ZFAND2A: variants seen among roughly 807,000 people sequenced by gnomAD.
ZFAND2A encodes the protein zinc finger AN1-type containing 2A.
A neutral mutation model predicts 11.6 loss-of-function variants in ZFAND2A; 20 were observed. That is an observed-to-expected ratio of 1.72 (90% CI 1.21 to 2.50). The LOEUF is 2.50. Among genes scored for constraint, ZFAND2A ranks in the 30% most tolerant of loss-of-function variants. The probability of loss-of-function intolerance (pLI) is 0.00; values close to 1 mark genes in which losing one functional copy is unlikely to be tolerated. For missense variants in ZFAND2A, 234 were observed against 182.9 expected, an observed-to-expected ratio of 1.28 and a Z score of -1.61; for synonymous variants, 93 against 60.6, an observed-to-expected ratio of 1.54 and a Z score of -2.48.
chr7:1,158,052 C>G, intron 2 of ZFAND2A, 106 bp downstream of exon 2: 1 of 1,150,734 alleles, frequency 8.7e-7, no homozygotes, highest in Non-Finnish European at 1.3e-6. Flanking sequence ...GTTCCCAATA[C>G]TGAGGAGCCA....
downstream of ZFAND2A, among the ~76,000 whole-genome samples, chr7:1,149,161 A>G (rs1793352488): frequency 1.3e-5 from 2 of 152,160 alleles, no homozygotes; most frequent in African/African-American, 4.8e-5. Flanking sequence ...TAAAAATTAA[A>G]AACATTTTTT....
chr7:1,152,871 G>T, downstream of ZFAND2A: 1 of 827,742 alleles, frequency 1.2e-6, no homozygotes, highest in Non-Finnish European at 2.0e-6. Flanking sequence ...TTTAGTACTT[G>T]GTGACGGCAG....
At position 1,155,561 on chromosome 7, in the gene ZFAND2A, TG is replaced by T. The variant is rs1443053975; in HGVS notation, c.173del (p.Pro58HisfsTer9). On this transcript the variant is annotated frameshift_variant, in exon 4 of 5. Transcript: ENST00000316495. LOFTEE classifies it high-confidence loss of function. ...FQKDVHVPVCPLCNTPIPVKK... is the reference protein window; with the variant it reads ...FQKDVHVPVCXLCNTPIPVKK... The stretch of plus-strand genomic sequence containing the variant: ...TTACTGGGATGGGGGTATTACAGAG[TG>T]GGCATACTGGGACGTGAACATCCTA... The T allele has an allele frequency of 6.2e-7, 1 of 1,612,900 alleles. No homozygotes were observed. Among genetic ancestry groups the T allele is most frequent in the African/African-American group, 1.3e-5 (1 of 74,666 alleles).
At chr7:1,151,421 G>A (rs964051339), downstream of ZFAND2A, among the ~76,000 whole-genome samples, 1 of 151,948 alleles carries the variant, frequency 6.6e-6, no homozygotes, top group Non-Finnish European at 1.5e-5. Flanking sequence ...AGGTGACATG[G>A]TGAAGAGCGC....
rs889272923 is a variant in ZFAND2A at position 1,157,524 on chromosome 7, G to A, written c.150+132C>T. ...GCAGGCACCTGAAACGAGGCTAGTGGGACTGAAAAACTGGATTTTAAAATT... is the reference window on the plus strand; with the variant it reads ...GCAGGCACCTGAAACGAGGCTAGTGAGACTGAAAAACTGGATTTTAAAATT... On this transcript the variant is annotated intron_variant, in intron 3 of 4. Transcript: ENST00000316495. 87 of 867,954 alleles carry A rather than the reference G, an allele frequency of 1.0e-4. 1 individual carries two copies. Among genetic ancestry groups the A allele is most frequent in the Non-Finnish European group, 2.3e-5 (13 of 564,116 alleles). The allele number at this position is 867,954 out of a possible 1,614,324, so 53.8% of individuals were successfully genotyped here.
rs1307060293 is a variant in ZFAND2A at position 1,160,189 on chromosome 7, T to A, written c.-271A>T. 6.6e-6 allele frequency: 1 copy of A among 152,192 alleles called. No homozygotes were observed. Among genetic ancestry groups the A allele is most frequent in the Non-Finnish European group, 1.5e-5 (1 of 68,058 alleles). The allele number at this position is 152,192 out of a possible 1,614,324, so 9.4% of individuals were successfully genotyped here. On this transcript the variant is annotated 5_prime_UTR_variant, in exon 1 of 5. Transcript: ENST00000316495. ...GCAGCCCCCGGATCTGAGAGCCGTCTGGGCCTTGGGGTTTCCGGGCGCGCC... is the reference window on the plus strand; with the variant it reads ...GCAGCCCCCGGATCTGAGAGCCGTCAGGGCCTTGGGGTTTCCGGGCGCGCC...
At position 1,155,478 on chromosome 7, in the gene ZFAND2A, G is replaced by C; in HGVS notation, c.257C>G (p.Ser86Cys). 6.2e-7 allele frequency: 1 copy of C among 1,613,784 alleles called. No homozygotes were observed. The highest frequency in any genetic ancestry group is 8.5e-7 in the Non-Finnish European group (1 of 1,179,848). Residue 86 changes from serine to cysteine, a missense_variant, in exon 4 of 5, where the codon TCT becomes TGT. Coordinates refer to ENST00000316495, the MANE Select transcript of ZFAND2A (RefSeq NM_182491.4). ...CTTCTCTTTCTTCTTCCCAGGGTGA[G>C]AGTCACAGTCTCTGTCAATGTGATC... is the stretch of plus-strand genomic sequence containing the variant. ...VGDHIDRDCD[S>C]HPGKKKEKIF...
chr7:1,158,285 G>T lies in ZFAND2A; in HGVS notation c.-45-28C>A. 3 of 1,445,122 alleles carry T rather than the reference G, an allele frequency of 2.1e-6. No individual in the cohort carries two copies. In the South Asian group the frequency reaches 3.5e-5, roughly 17 times the overall value. 89.5% of individuals were successfully genotyped at this position (1,445,122 alleles called of 1,614,324 possible). ...ACAAGAGAATCAGAATAGTTAGGAG[G>T]AAAGCTGGACTGCCCTTCAGTCACC... On this transcript the variant is annotated intron_variant, in intron 1 of 4. Transcript: ENST00000316495.
chr7:1,158,840 G>A (rs1164521607), intron 1 of ZFAND2A, among the ~76,000 whole-genome samples: 1 of 152,138 alleles, frequency 6.6e-6, no homozygotes. Context: ...AGAGAATCAA[G>A]GGGCTCACGA....
Position 1,154,020 on chromosome 7 carries a change from G to A in ZFAND2A, c.283-796C>T, listed in dbSNP as rs1259060943. Among the ~76,000 whole-genome samples the A allele has an allele frequency of 3.9e-5, 6 of 152,214 alleles. No individual in the cohort carries two copies. In the East Asian group the frequency reaches 9.7e-4, roughly 24 times the overall value. On this transcript the variant is annotated intron_variant, in intron 4 of 4. Transcript: ENST00000316495. ...GAAGATGGCCCGGAGGTGCTGCTGGGAGGACAACAGAGAGAGGCAGCCAGG... is the reference window on the plus strand; with the variant it reads ...GAAGATGGCCCGGAGGTGCTGCTGGAAGGACAACAGAGAGAGGCAGCCAGG...
downstream of ZFAND2A, chr7:1,152,200 C>A: frequency 6.6e-7 from 1 of 1,523,634 alleles, no homozygotes; most frequent in South Asian, 1.2e-5. Context: ...GTTCACCAAC[C>A]AAGAGCTGCA....
Position 1,154,232 on chromosome 7 carries a change from G to C in ZFAND2A, c.283-1008C>G, listed in dbSNP as rs28450396. ...GCCAGGATGTAGGCAGCGATATAAA[G>C]TCCTAGGAGTCAGAACTCCAAGAGG... On this transcript the variant is annotated intron_variant, in intron 4 of 4. Coordinates refer to ENST00000316495, the MANE Select transcript of ZFAND2A (RefSeq NM_182491.4). Among the ~76,000 whole-genome samples, 456 of 144,550 alleles carry C rather than the reference G, an allele frequency of 3.2e-3. 4 individuals carry two copies. Among genetic ancestry groups the C allele is most frequent in the African/African-American group, 0.01 (402 of 38,738 alleles). The allele number at this position is 144,550 out of a possible 152,430, so 94.8% of individuals were successfully genotyped here. A position where few individuals can be genotyped will look rare whatever the true frequency, so the allele number is the denominator to read the frequency against.
At chr7:1,158,827 G>T (rs1034689313) in intron 1 of ZFAND2A, among the ~76,000 whole-genome samples, 1 of 152,130 alleles carries the variant, frequency 6.6e-6, no homozygotes, top group East Asian at 1.9e-4. Flanking sequence ...TACCGCACTC[G>T]AGAGAGAATC....
intron 1 of ZFAND2A, among the ~76,000 whole-genome samples, chr7:1,158,585 C>A (rs900281472): frequency 1.3e-5 from 2 of 152,184 alleles, no homozygotes; most frequent in Non-Finnish European, 2.9e-5. Context: ...CAATTTTATC[C>A]ATGGAATATA....
downstream of ZFAND2A, among the ~76,000 whole-genome samples, chr7:1,150,887 CT>C (rs10568309): frequency 4.1e-3 from 520 of 128,074 alleles, no homozygotes; most frequent in African/African-American, 9.5e-3. Context: ...ACAACTGTGC[CT>C]TTTTTTTTTT....
chr7:1,150,757 G>T (rs143133468), downstream of ZFAND2A, among the ~76,000 whole-genome samples: 140 of 152,242 alleles, frequency 9.2e-4, 1 homozygote, highest in African/African-American at 3.1e-3. Flanking sequence ...GTCACTTCTG[G>T]AAGTTTCCAC....
intron 4 of ZFAND2A, among the ~76,000 whole-genome samples, chr7:1,153,521 T>C (rs538216946): frequency 7.3e-5 from 11 of 151,548 alleles, no homozygotes; most frequent in African/African-American, 2.4e-4. Context: ...AGATTACCTG[T>C]GTGAGCCACT....
intron 4 of ZFAND2A, among the ~76,000 whole-genome samples, chr7:1,154,183 ATTTT>A (rs141971953): frequency 1.2e-4 from 16 of 128,824 alleles, no homozygotes; most frequent in African/African-American, 9.0e-5. Flanking sequence ...CCCACCGGTC[ATTTT>A]TTTTTTTTTT....
chr7:1,154,855 C>A (rs1324056722), intron 4 of ZFAND2A, among the ~76,000 whole-genome samples: 1 of 152,188 alleles, frequency 6.6e-6, no homozygotes, highest in Non-Finnish European at 1.5e-5. Context: ...CGTGGTGGCT[C>A]ACACCTATAA....
Sources: gnomAD v4.1 joint callset for allele counts (sites outside exome capture counted in the v4.1 genomes callset) on GRCh38, gnomAD v4.1.1 for gene constraint, MANE v1.5 for transcripts, NCBI Gene and HGNC (gene_info 2026-07-23, HGNC 2026-07-21) for gene names.